LRP1B: variants seen among roughly 807,000 people sequenced by gnomAD.
The protein encoded by LRP1B is LDL receptor related protein 1B.
A neutral mutation model predicts 556.6 loss-of-function variants in LRP1B; 217 were observed. The ratio of observed to expected loss-of-function variants is 0.39; its 90% CI spans 0.35 to 0.44. The LOEUF is 0.44. Ranked by LOEUF, LRP1B falls within the 20% of genes least tolerant of loss-of-function variation. The pLI, the probability that LRP1B is intolerant of heterozygous loss-of-function variation, is 1.00. For missense variants in LRP1B, 5,053 were observed against 5,620.8 expected (o/e 0.90, Z 3.23); for synonymous variants, 2,047 against 1,865.8 (o/e 1.10, Z -2.50).
At chr2:141,478,354 G>C (rs1302763428) in intron 3 of LRP1B, among the ~76,000 whole-genome samples, 1 of 152,030 alleles carries the variant, frequency 6.6e-6, no homozygotes. Flanking sequence ...TAAAAGCTTA[G>C]TCATACATAT....
intron 63 of LRP1B, among the ~76,000 whole-genome samples, chr2:140,446,758 T>C (rs958518184): frequency 6.6e-6 from 1 of 151,914 alleles, no homozygotes; most frequent in African/African-American, 2.4e-5. Flanking sequence ...TCCATGACAT[T>C]AGTGTGGGTA....
At chr2:141,389,967 G>A (rs1301755285) in intron 3 of LRP1B, among the ~76,000 whole-genome samples, 1 of 151,980 alleles carries the variant, frequency 6.6e-6, no homozygotes, top group South Asian at 2.1e-4. Context: ...TGGTGAAGCC[G>A]TCTCTACTAA....
In LRP1B at chr2:141,999,088, C is replaced by T. The variant is rs568760995; in HGVS notation, c.82+131560G>A. ...ATTTCTTTCAGGGCCTCCTATCTGT[C>T]ATGTGATGTTAGCCTAGAGTCAGGA... On this transcript the variant is annotated intron_variant, in intron 1 of 90. Coordinates refer to ENST00000389484, the MANE Select transcript of LRP1B (RefSeq NM_018557.3). Among the ~76,000 whole-genome samples, 82 of 152,210 alleles carry T rather than the reference C, an allele frequency of 5.4e-4. 1 individual carries two copies. Among genetic ancestry groups the T allele is most frequent in the Admixed American group, 1.6e-3 (24 of 15,268 alleles).
At chr2:140,475,376 C>T (rs765336858) in intron 59 of LRP1B, 39 bp from the exon 60 acceptor site, 14 of 1,462,730 alleles carry the variant, frequency 9.6e-6, no homozygotes, top group Non-Finnish European at 1.2e-5. Context: ...TTTACAGATT[C>T]TCTGGGAGCA....
intron 3 of LRP1B, among the ~76,000 whole-genome samples, chr2:141,446,972 G>A (rs969226957): frequency 6.6e-6 from 1 of 152,082 alleles, no homozygotes; most frequent in African/African-American, 2.4e-5. Context: ...ATGCTAGGTT[G>A]GGGAAGTTCT....
rs548232690 is a variant in LRP1B at position 141,329,630 on chromosome 2, C to A, written c.344-74989G>T. Among the ~76,000 whole-genome samples the A allele has an allele frequency of 1.5e-3, 84 of 56,896 alleles. 1 individual carries two copies. The highest frequency in any genetic ancestry group is 5.5e-3 in the African/African-American group (84 of 15,332). 37.3% of individuals were successfully genotyped at this position (56,896 alleles called of 152,430 possible). On this transcript the variant is annotated intron_variant, in intron 3 of 90. Coordinates refer to ENST00000389484, the MANE Select transcript of LRP1B (RefSeq NM_018557.3). ...CTGCGCTCCAGCCTGGGTGACAGAG[C>A]GAGACTCTGTCTCAAAAAAAAAAAA...
chr2:140,770,098 C>T (rs1689256217), intron 34 of LRP1B, among the ~76,000 whole-genome samples: 1 of 151,776 alleles, frequency 6.6e-6, no homozygotes, highest in African/African-American at 2.4e-5. Flanking sequence ...ATCCATGTAA[C>T]CTAAGTTGCT....
At chr2:140,655,772 C>T (rs1401440547) in intron 41 of LRP1B, among the ~76,000 whole-genome samples, 2 of 152,108 alleles carry the variant, frequency 1.3e-5, no homozygotes, top group Non-Finnish European at 2.9e-5. Flanking sequence ...GAAACCCCGT[C>T]TCTACTAAAA....
chr2:140,555,909 A>G (rs545816054), intron 43 of LRP1B, among the ~76,000 whole-genome samples: 1 of 152,092 alleles, frequency 6.6e-6, no homozygotes, highest in African/African-American at 2.4e-5. Context: ...TGAGGTAAAT[A>G]AAAAAGCAGA....
At chr2:141,782,673 G>A (rs570609223) in intron 2 of LRP1B, among the ~76,000 whole-genome samples, 63 of 151,874 alleles carry the variant, frequency 4.1e-4, no homozygotes, top group African/African-American at 1.5e-3. Flanking sequence ...TCGTGCAATA[G>A]TTAGCAAGTA....
chr2:140,857,434 C>T (rs1165200942), intron 27 of LRP1B, among the ~76,000 whole-genome samples: 1 of 152,166 alleles, frequency 6.6e-6, no homozygotes, highest in African/African-American at 2.4e-5. Flanking sequence ...TTCAGAAGTA[C>T]TTTGCAATTA....
chr2:141,058,864 A>C lies in LRP1B; in HGVS notation c.1408+19T>G, dbSNP rs2105462404. The C allele has an allele frequency of 6.4e-7, 1 of 1,565,840 alleles. No homozygotes were observed. The highest frequency in any genetic ancestry group is 2.3e-5 in the East Asian group (1 of 43,570). ...TCAATCTACCATTAGGAAGGTAATA[A>C]AGAAGCTTTCCCACTTACCTGTTGG... On this transcript the variant is annotated intron_variant, in intron 9 of 90. Coordinates refer to ENST00000389484, the MANE Select transcript of LRP1B (RefSeq NM_018557.3).
intron 1 of LRP1B, among the ~76,000 whole-genome samples, chr2:141,969,721 C>G (rs766183701): frequency 2.0e-5 from 3 of 151,630 alleles, no homozygotes; most frequent in Non-Finnish European, 4.4e-5. Context: ...GGAGTGCAAA[C>G]ATCTCTTCGA....
At chr2:142,113,158 A>T (rs935462149) in intron 1 of LRP1B, among the ~76,000 whole-genome samples, 3 of 152,044 alleles carry the variant, frequency 2.0e-5, no homozygotes, top group Non-Finnish European at 4.4e-5. Flanking sequence ...ACAAAGAGTG[A>T]GTCAGATGCA....
intron 1 of LRP1B, among the ~76,000 whole-genome samples, chr2:142,096,160 G>T (rs1347173827): frequency 2.6e-5 from 4 of 151,672 alleles, no homozygotes; most frequent in African/African-American, 9.7e-5. Flanking sequence ...TTAGTTTTAT[G>T]CAGAGGATAT....
At chr2:141,561,289 T>C (rs1027730794) in intron 2 of LRP1B, among the ~76,000 whole-genome samples, 7 of 151,812 alleles carry the variant, frequency 4.6e-5, no homozygotes, top group Admixed American at 1.3e-4. Context: ...TGAAATTAAA[T>C]ATTCCAGAAC....
intron 1 of LRP1B, among the ~76,000 whole-genome samples, chr2:142,093,967 C>T (rs1207007475): frequency 1.3e-5 from 2 of 152,148 alleles, no homozygotes; most frequent in African/African-American, 4.8e-5. Context: ...AAACTTATTT[C>T]TCACAACCTA....
intron 6 of LRP1B, among the ~76,000 whole-genome samples, chr2:141,210,297 C>A (rs1682485976): frequency 6.6e-6 from 1 of 151,134 alleles, no homozygotes; most frequent in Non-Finnish European, 1.5e-5. Context: ...TAGGAAAGTC[C>A]AAAATAAAAA....
intron 6 of LRP1B, among the ~76,000 whole-genome samples, chr2:141,228,124 C>T (rs1438730022): frequency 6.6e-6 from 1 of 152,094 alleles, no homozygotes; most frequent in African/African-American, 2.4e-5. Flanking sequence ...TGGGGTTTGG[C>T]CAGGCTGGTT....
Sources: allele counts gnomAD v4.1 joint callset (sites outside exome capture counted in the v4.1 genomes callset), GRCh38; gene constraint gnomAD v4.1.1; transcripts MANE v1.5; gene names NCBI Gene and HGNC (gene_info 2026-07-23, HGNC 2026-07-21).